Variants in YOD1 observed in about 807,000 individuals in gnomAD.
YOD1 encodes YOD1 deubiquitinase.
A neutral mutation model predicts 23.7 loss-of-function variants in YOD1; 17 were observed. That is an observed-to-expected ratio of 0.72 (90% confidence interval 0.49 to 1.07). YOD1 has a LOEUF of 1.07. YOD1 is among the 50% of genes least tolerant of loss of function. The pLI is 0.00. For missense variants in YOD1, 413 were observed against 447.2 expected (o/e 0.92, Z 0.69); for synonymous variants, 191 against 169.6 (o/e 1.13, Z -0.98).
At chr1:207,049,938 T>A (rs770678312) in intron 1 of YOD1, among the ~76,000 whole-genome samples, 1 of 152,208 alleles carries the variant, frequency 6.6e-6, no homozygotes, top group African/African-American at 2.4e-5. Flanking sequence ...TGAGGTTGCA[T>A]CCCAATTTAG....
chr1:207,052,306 T>G, upstream of YOD1: 1 of 1,300,426 alleles, frequency 7.7e-7, no homozygotes, highest in South Asian at 1.2e-5. Context: ...TCAAGACGAC[T>G]GCAACGGATG....
rs968876751 is a variant in YOD1 at position 207,047,366 on chromosome 1, T to C, written c.*1654A>G. 8 of 152,670 alleles carry C rather than the reference T, an allele frequency of 5.2e-5. No individual in the cohort carries two copies. The highest frequency in any genetic ancestry group is 4.1e-4 in the South Asian group (2 of 4,830). 9.5% of individuals were successfully genotyped at this position (152,670 alleles called of 1,614,324 possible). A position where few individuals can be genotyped will look rare whatever the true frequency, so the allele number is the denominator to read the frequency against. ...GTTCCTTAAAAGTTCTTTTCTCTTA[T>C]ATTGTTCAAATGTTCCTTAATTTTA... is the stretch of plus-strand genomic sequence containing the variant. On this transcript the variant is annotated 3_prime_UTR_variant, in exon 2 of 2. Transcript: ENST00000315927.
In YOD1 at chr1:207,049,698, G is replaced by T. The variant is rs776563979; in HGVS notation, c.369C>A (p.Asp123Glu). The T allele has an allele frequency of 3.7e-6, 6 of 1,613,898 alleles. No homozygotes were observed. The highest frequency in any genetic ancestry group is 1.7e-5 in the Admixed American group (1 of 59,994). The part of the protein sequence containing the change: ...QSGDMLIIEE[D>E]QTRPRSSPAF... ...CAGGTGAACTTCTGGGCCTGGTTTG[G>T]TCTTCTTCAATGATCAGCATGTCAC... Residue 123 changes from aspartate (D) to glutamate (E), a missense_variant, in exon 2 of 2, where the codon GAC (aspartate) becomes GAA (glutamate). Asp to Glu is a conservative substitution (Grantham distance 45). Transcript: ENST00000315927.
intron 1 of YOD1, 91 bp from the exon 2 acceptor site, chr1:207,049,814 G>A (rs1410542996): frequency 8.2e-7 from 1 of 1,226,734 alleles, no homozygotes; most frequent in Non-Finnish European, 1.1e-6. Flanking sequence ...CAAACTGAAG[G>A]AGTTAAAGCA....
At position 207,046,429 on chromosome 1, in the gene YOD1, T is replaced by A. The variant is rs1682602698; in HGVS notation, c.*2591A>T. On this transcript the variant is annotated 3_prime_UTR_variant, in exon 2 of 2. Transcript: ENST00000315927. ...CAAACCCCTGTAAATTCTGTGAGGC[T>A]TAAAAGCTTGAGTTTAGAATGAGCA... 1 of 152,054 alleles carries A rather than the reference T, an allele frequency of 6.6e-6. No individual in the cohort carries two copies. The highest frequency in any genetic ancestry group is 1.5e-5 in the Non-Finnish European group (1 of 67,910). The allele number at this position is 152,054 out of a possible 1,614,324, so 9.4% of individuals were successfully genotyped here. A position where few individuals can be genotyped will look rare whatever the true frequency, so the allele number is the denominator to read the frequency against.
chr1:207,051,004 A>G lies in YOD1; in HGVS notation c.27T>C (p.His9=). The G allele has an allele frequency of 2.6e-6, 4 of 1,525,390 alleles. No individual in the cohort carries two copies. The highest frequency in any genetic ancestry group is 3.5e-6 in the Non-Finnish European group (4 of 1,135,328). 94.5% of individuals were successfully genotyped at this position (1,525,390 alleles called of 1,614,324 possible). A position where few individuals can be genotyped will look rare whatever the true frequency, so the allele number is the denominator to read the frequency against. Residue 9 remains histidine (H), a synonymous_variant, in exon 1 of 2, where the codon CAT becomes CAC. Coordinates refer to ENST00000315927, the MANE Select transcript of YOD1 (RefSeq NM_018566.4). MFGPAKGR[H]FGVHPAPGFP... ...AACCAGGCGCCGGGTGGACTCCAAA[A>G]TGGCGACCTTTAGCGGGGCCAAACA...
intron 1 of YOD1, 110 bp from the exon 2 acceptor site, chr1:207,049,833 G>C (rs1682692666): frequency 7.3e-6 from 7 of 960,584 alleles, no homozygotes; most frequent in Non-Finnish European, 1.1e-5. Flanking sequence ...CATAAACTGG[G>C]GTTACTAAGG....
upstream of YOD1, among the ~76,000 whole-genome samples, chr1:207,051,491 T>A (rs541211563): frequency 2.0e-5 from 3 of 152,272 alleles, no homozygotes; most frequent in African/African-American, 7.2e-5. Flanking sequence ...CTCATTGGGG[T>A]TCCAGGGGCC....
chr1:207,051,131 T>G lies in YOD1; in HGVS notation c.-101A>C. 1 of 1,421,058 alleles carries G rather than the reference T, an allele frequency of 7.0e-7. No individual in the cohort carries two copies. Among genetic ancestry groups the G allele is most frequent in the Non-Finnish European group, 9.2e-7 (1 of 1,092,868 alleles). 88.0% of individuals were successfully genotyped at this position (1,421,058 alleles called of 1,614,324 possible). A position where few individuals can be genotyped will look rare whatever the true frequency, so the allele number is the denominator to read the frequency against. ...AACTCTTTTAAAGTGACAACTGATT[T>G]TTCCCCCACCCTCAGAACGAAGATG... On this transcript the variant is annotated 5_prime_UTR_variant, in exon 1 of 2. Coordinates refer to ENST00000315927, the MANE Select transcript of YOD1 (RefSeq NM_018566.4).
In YOD1 at chr1:207,049,379, T is replaced by C; in HGVS notation, c.688A>G (p.Lys230Glu). The C allele has an allele frequency of 6.2e-7, 1 of 1,614,184 alleles. No homozygotes were observed. Among genetic ancestry groups the C allele is most frequent in the Non-Finnish European group, 8.5e-7 (1 of 1,180,018 alleles). Residue 230 changes from lysine (K) to glutamate (E), a missense_variant, in exon 2 of 2, where the codon AAG becomes GAG. Physicochemically the swap from Lys to Glu is moderately conservative, Grantham distance 56 (BLOSUM62 1). Transcript: ENST00000315927. ...ACACATATTTCACATTGGTAAAACT[T>C]GGACAAAATCGATATCTCTATTGCT... ...GGAIEISILS[K>E]FYQCEICVVD... is the part of the protein sequence containing the mutation.
rs992934570 is a variant in YOD1, at chr1:207,048,874, G to A, written c.*146C>T. ...GCACACTAATTTTAATCTTAACAAGGAATTTCAGTGTCTTAGTGGTTTTAA... is the reference window on the plus strand; with the variant it reads ...GCACACTAATTTTAATCTTAACAAGAAATTTCAGTGTCTTAGTGGTTTTAA... On this transcript the variant is annotated 3_prime_UTR_variant, in exon 2 of 2. Transcript: ENST00000315927. The A allele has an allele frequency of 1.2e-4, 86 of 739,010 alleles. No homozygotes were observed. Among genetic ancestry groups the A allele is most frequent in the Non-Finnish European group, 9.9e-5 (45 of 452,404 alleles). The allele number at this position is 739,010 out of a possible 1,614,324, so 45.8% of individuals were successfully genotyped here.
rs930012653 is a variant in YOD1, at chr1:207,048,576, G to A, written c.*444C>T. On this transcript the variant is annotated 3_prime_UTR_variant, in exon 2 of 2. Coordinates refer to ENST00000315927, the MANE Select transcript of YOD1 (RefSeq NM_018566.4). ...GGAGGCCTTCCACATTACCCAAAAT[G>A]TGATGCTTTCTTCTACAAGTTAAAG... 1.3e-5 allele frequency: 2 copies of A among 159,140 alleles called. No individual in the cohort carries two copies. The highest frequency in any genetic ancestry group is 2.8e-5 in the Non-Finnish European group (2 of 71,906). 9.9% of individuals were successfully genotyped at this position (159,140 alleles called of 1,614,324 possible).
chr1:207,050,848 C>G lies in YOD1; in HGVS notation c.183G>C (p.Gln61His). ...CKAKDGTHVL[Q>H]GLSSRTRVRE... is the part of the protein sequence containing the mutation. ...GCACCCGGGTCCGGCTGGACAGCCC[C>G]TGCAAAACATGGGTGCCGTCCTTGG... Residue 61 changes from glutamine to histidine, a missense_variant, in exon 1 of 2, where the codon CAG becomes CAC. By Grantham distance (24) the Gln-to-His change is conservative. Coordinates refer to ENST00000315927, the MANE Select transcript of YOD1 (RefSeq NM_018566.4). 1 of 1,612,920 alleles carries G rather than the reference C, an allele frequency of 6.2e-7. No homozygotes were observed. The highest frequency in any genetic ancestry group is 8.5e-7 in the Non-Finnish European group (1 of 1,179,950).
intron 1 of YOD1, 26 bp from the exon 2 acceptor site, chr1:207,049,749 T>A: frequency 6.3e-7 from 1 of 1,581,066 alleles, no homozygotes; most frequent in South Asian, 1.2e-5. Flanking sequence ...CAAATCCCGA[T>A]CTGCAAAGAA....
Position 207,048,044 on chromosome 1 carries a change from A to G in YOD1, c.*976T>C, listed in dbSNP as rs1469833765. ...TTTTTTGGAGGAAGTGCTCTTAACA[A>G]AAAGCTGAGAAAATTAAATTCCCCC... is the stretch of plus-strand genomic sequence containing the variant. On this transcript the variant is annotated 3_prime_UTR_variant, in exon 2 of 2. Transcript: ENST00000315927. 1 of 152,514 alleles carries G rather than the reference A, an allele frequency of 6.6e-6. No individual in the cohort carries two copies. Among genetic ancestry groups the G allele is most frequent in the Non-Finnish European group, 1.5e-5 (1 of 68,028 alleles). 9.4% of individuals were successfully genotyped at this position (152,514 alleles called of 1,614,324 possible).
At chr1:207,050,165 T>C (rs1017129204) in intron 1 of YOD1, among the ~76,000 whole-genome samples, 2 of 152,128 alleles carry the variant, frequency 1.3e-5, no homozygotes, top group African/African-American at 4.8e-5. Context: ...GATGTTCAAG[T>C]TTTGATATGG....
At position 207,045,758 on chromosome 1, in the gene YOD1, T is replaced by C. The variant is rs557132198; in HGVS notation, c.*3262A>G. ...ATAAACTAGAGAAGCAAGTTAGGCA[T>C]GGGCATTTAGGGACACAGACAAATT... On this transcript the variant is annotated 3_prime_UTR_variant, in exon 2 of 2. Transcript: ENST00000315927. 6.6e-6 allele frequency: 1 copy of C among 152,068 alleles called. No homozygotes were observed. The highest frequency in any genetic ancestry group is 1.5e-5 in the Non-Finnish European group (1 of 67,932). 9.4% of individuals were successfully genotyped at this position (152,068 alleles called of 1,614,324 possible).
rs904224323 is a variant in YOD1, at chr1:207,047,688, C to T, written c.*1332G>A. On this transcript the variant is annotated 3_prime_UTR_variant, in exon 2 of 2. Coordinates refer to ENST00000315927, the MANE Select transcript of YOD1 (RefSeq NM_018566.4). ...GTGAAGCTAAGTTTTAGAGGGTGTGCCTTGCGGATTAGTCCACTAAGCAAA... is the reference window on the plus strand; with the variant it reads ...GTGAAGCTAAGTTTTAGAGGGTGTGTCTTGCGGATTAGTCCACTAAGCAAA... 6.6e-6 allele frequency: 1 copy of T among 152,564 alleles called. No homozygotes were observed. The highest frequency in any genetic ancestry group is 6.5e-5 in the Admixed American group (1 of 15,278). 9.5% of individuals were successfully genotyped at this position (152,564 alleles called of 1,614,324 possible). A position where few individuals can be genotyped will look rare whatever the true frequency, so the allele number is the denominator to read the frequency against.
chr1:207,050,505 G>A (rs1227905871), intron 1 of YOD1, among the ~76,000 whole-genome samples, 183 bp downstream of exon 1: 1 of 152,154 alleles, frequency 6.6e-6, no homozygotes, highest in Non-Finnish European at 1.5e-5. Flanking sequence ...GTCAAGACAA[G>A]GAGTTGCTAG....
Sources: gnomAD v4.1 joint callset for allele counts (sites outside exome capture counted in the v4.1 genomes callset) on GRCh38, gnomAD v4.1.1 for gene constraint, MANE v1.5 for transcripts, NCBI Gene and HGNC (gene_info 2026-07-23, HGNC 2026-07-21) for gene names.